The following MICAL2 variants were observed in gnomAD, a reference collection of about 807,000 sequenced individuals.
The protein encoded by MICAL2 is microtubule associated monooxygenase, calponin and LIM domain containing 2, also known as [F-actin]-monooxygenase MICAL2.
MICAL2 carries 77 observed loss-of-function variants against 127.3 expected under a neutral mutation model. The observed-to-expected ratio is 0.60, with a 90% CI of 0.50 to 0.73. MICAL2 has a LOEUF of 0.73. MICAL2 is among the 30% of genes least tolerant of loss of function. The pLI is 0.00. For synonymous variants in MICAL2, 570 were observed against 551.1 expected (o/e 1.03, Z -0.48); for missense variants, 1,351 against 1,434.4 (o/e 0.94, Z 0.94).
At chr11:12,233,492 T>A (rs1858592153) in intron 15 of MICAL2, among the ~76,000 whole-genome samples, 3 of 152,176 alleles carry the variant, frequency 2.0e-5, no homozygotes, top group African/African-American at 7.2e-5. Flanking sequence ...AAATATAAAG[T>A]TTGTTTGCTT....
chr11:12,111,397 T>G (rs1038853752), intron 1 of MICAL2, among the ~76,000 whole-genome samples: 11 of 152,154 alleles, frequency 7.2e-5, no homozygotes, highest in African/African-American at 1.9e-4. Flanking sequence ...GCACCCACCC[T>G]GTAGGTGCCT....
intron 32 of MICAL2, among the ~76,000 whole-genome samples, chr11:12,333,669 A>G (rs1938690976): frequency 6.6e-6 from 1 of 152,220 alleles, no homozygotes; most frequent in Admixed American, 6.5e-5. Flanking sequence ...ATATGGACCT[A>G]AATAACAGTG....
At chr11:12,349,800 T>C (rs770266746) in intron 32 of MICAL2, 1 of 1,596,138 alleles carries the variant, frequency 6.3e-7, no homozygotes, top group African/African-American at 1.3e-5. Flanking sequence ...GGGAGAGAAA[T>C]GCCAATCTAA....
downstream of MICAL2, chr11:12,293,793 T>C (rs370124307): frequency 6.2e-7 from 1 of 1,611,196 alleles, no homozygotes; most frequent in East Asian, 2.2e-5. Flanking sequence ...GAGGCCCCTC[T>C]TGGGGACATC....
chr11:12,178,823 G>T (rs1480998328), intron 3 of MICAL2, among the ~76,000 whole-genome samples: 1 of 151,852 alleles, frequency 6.6e-6, no homozygotes, highest in African/African-American at 2.4e-5. Context: ...CAGGGCTCAA[G>T]CAGTTCTACT....
chr11:12,298,315 G>T (rs1864010102), intron 29 of MICAL2, among the ~76,000 whole-genome samples: 1 of 151,970 alleles, frequency 6.6e-6, no homozygotes, highest in Non-Finnish European at 1.5e-5. Flanking sequence ...ATATATGAAA[G>T]TTATTGATTT....
chr11:12,294,946 C>T (rs1367227517), downstream of MICAL2: 29 of 1,353,806 alleles, frequency 2.1e-5, no homozygotes, highest in African/African-American at 2.9e-5. Flanking sequence ...TCTTTCACTT[C>T]GTTTTGCTTC....
downstream of MICAL2, chr11:12,358,555 C>A: frequency 7.1e-7 from 1 of 1,401,158 alleles, no homozygotes; most frequent in Non-Finnish European, 9.8e-7. Flanking sequence ...CCTCATGGGT[C>A]TTTCTGCAGG....
chr11:12,160,544 G>C (rs1410692006), intron 2 of MICAL2, among the ~76,000 whole-genome samples: 3 of 152,174 alleles, frequency 2.0e-5, no homozygotes, highest in Non-Finnish European at 4.4e-5. Flanking sequence ...TTCCACCACT[G>C]TCCCGCTCTT....
intron 11 of MICAL2, 80 bp from the exon 12 acceptor site, chr11:12,223,330 TG>T: frequency 8.1e-7 from 1 of 1,233,262 alleles, no homozygotes; most frequent in Non-Finnish European, 1.2e-6. Context: ...GGCACTGAAT[TG>T]GGGGTGGGTC....
intron 2 of MICAL2, among the ~76,000 whole-genome samples, chr11:12,159,251 C>T (rs1023011942): frequency 1.1e-4 from 17 of 152,144 alleles, no homozygotes; most frequent in Non-Finnish European, 1.5e-4. Flanking sequence ...GATTGGGGTG[C>T]GGAGGAGACA....
chr11:12,236,881 A>G (rs1859146680), intron 16 of MICAL2, among the ~76,000 whole-genome samples: 1 of 152,238 alleles, frequency 6.6e-6, no homozygotes, highest in South Asian at 2.1e-4. Flanking sequence ...CTCCACAAGC[A>G]TGCATATTGT....
chr11:12,264,486 G>T (rs1217312740), downstream of MICAL2, among the ~76,000 whole-genome samples: 1 of 152,204 alleles, frequency 6.6e-6, no homozygotes, highest in East Asian at 1.9e-4. Context: ...TGGCTATCCT[G>T]GGCAGTGCCA....
chr11:12,224,742 A>T lies in MICAL2; in HGVS notation c.1610A>T (p.Asn537Ile), dbSNP rs370801575. ...QQQTEGYQHV[N>I]VTDLTTSWRS... ...CAGACAGAGGGCTACCAGCATGTCA[A>T]CGTCACCGACCTGACCACATCCTGG... Residue 537 changes from asparagine to isoleucine, a missense_variant, in exon 13 of 28, where the codon AAC becomes ATC. Physicochemically the swap from Asn to Ile is moderately radical, Grantham distance 149 (BLOSUM62 -3). This residue lies in a region of MICAL2 where 599 missense variants were observed against 714.9 expected (regional missense o/e 0.84). Coordinates refer to ENST00000683283, the MANE Select transcript of MICAL2 (RefSeq NM_001282663.2). 10 of 1,614,052 alleles carry T rather than the reference A, an allele frequency of 6.2e-6. No homozygotes were observed. Among genetic ancestry groups the T allele is most frequent in the Non-Finnish European group, 5.9e-6 (7 of 1,180,032 alleles).
At chr11:12,188,020 A>G (rs371039767) in intron 3 of MICAL2, among the ~76,000 whole-genome samples, 2 of 152,138 alleles carry the variant, frequency 1.3e-5, no homozygotes, top group Middle Eastern at 3.4e-3. Flanking sequence ...CCTCCCATCC[A>G]TATATGTGGG....
chr11:12,187,924 A>T (rs1858531035), intron 3 of MICAL2, among the ~76,000 whole-genome samples: 1 of 151,780 alleles, frequency 6.6e-6, no homozygotes, highest in African/African-American at 2.4e-5. Flanking sequence ...TGGGGTGGGG[A>T]AGGAAAAGCT....
chr11:12,212,953 A>G (rs1462745343), intron 6 of MICAL2, among the ~76,000 whole-genome samples: 1 of 152,202 alleles, frequency 6.6e-6, no homozygotes, highest in Admixed American at 6.5e-5. Context: ...GTATCTAGCA[A>G]CAATGCCTGA....
chr11:12,196,241 C>G (rs1181886328), intron 3 of MICAL2: 1 of 153,012 alleles, frequency 6.5e-6, no homozygotes, highest in Non-Finnish European at 1.5e-5. Context: ...GATTTTTGGT[C>G]TAAGCAAGTA....
chr11:12,120,385 A>C (rs2133463406), intron 1 of MICAL2, among the ~76,000 whole-genome samples: 1 of 152,336 alleles, frequency 6.6e-6, no homozygotes, highest in South Asian at 2.1e-4. Context: ...TGGGGGCATC[A>C]ACAGCCATAG....
Sources: gnomAD v4.1 joint callset for allele counts (sites outside exome capture counted in the v4.1 genomes callset) on GRCh38, gnomAD v4.1.1 for gene constraint, gnomAD v4.1.1 regional missense constraint, MANE v1.5 for transcripts, NCBI Gene and HGNC (gene_info 2026-07-23, HGNC 2026-07-21) for gene names.